NUMB: variants seen among roughly 807,000 people sequenced by gnomAD.
NUMB encodes protein numb homolog.
A neutral mutation model predicts 59.7 loss-of-function variants in NUMB; 29 were observed. The ratio of observed to expected loss-of-function variants is 0.49; its 90% CI spans 0.36 to 0.66. The LOEUF is 0.66. Ranked by LOEUF, NUMB falls within the 30% of genes least tolerant of loss-of-function variation. NUMB has a pLI of 0.00. For synonymous variants in NUMB, 288 were observed against 288.2 expected (o/e 1.00, Z 0.01); for missense variants, 723 against 822.0 (o/e 0.88, Z 1.47).
chr14:73,435,919 T>C (rs562663046), intron 1 of NUMB, among the ~76,000 whole-genome samples: 40 of 151,870 alleles, frequency 2.6e-4, no homozygotes, highest in African/African-American at 7.2e-4. Flanking sequence ...TGTGAGAGAA[T>C]TGCTTGAATT....
At chr14:73,308,805 A>G (rs942887760) in intron 6 of NUMB, among the ~76,000 whole-genome samples, 2 of 152,166 alleles carry the variant, frequency 1.3e-5, no homozygotes, top group East Asian at 1.9e-4. Context: ...CTCCAAATGA[A>G]TAGTGTTTCA....
intron 4 of NUMB, among the ~76,000 whole-genome samples, chr14:73,331,282 A>G (rs983574688): frequency 1.3e-5 from 2 of 152,222 alleles, no homozygotes; most frequent in Non-Finnish European, 2.9e-5. Context: ...GCCATGGCTC[A>G]GGCCTGTAGT....
chr14:73,350,667 G>T (rs929948868), intron 4 of NUMB, among the ~76,000 whole-genome samples: 8 of 144,536 alleles, frequency 5.5e-5, no homozygotes, highest in African/African-American at 2.0e-4. Flanking sequence ...GTGTAGCTCA[G>T]ATGACAGGTG....
chr14:73,275,971 A>C lies in NUMB; in HGVS notation c.*607T>G, dbSNP rs1888126084. ...TCTGAGAACTATTTAAAATATTCTA[A>C]ATGCATAAAAATAAAGATTTTGGCT... On this transcript the variant is annotated 3_prime_UTR_variant, in exon 13 of 13. Transcript: ENST00000555238. 6.5e-6 allele frequency: 1 copy of C among 152,720 alleles called. No homozygotes were observed. Among genetic ancestry groups the C allele is most frequent in the South Asian group, 2.1e-4 (1 of 4,830 alleles). 9.5% of individuals were successfully genotyped at this position (152,720 alleles called of 1,614,324 possible).
At chr14:73,302,458 G>A (rs1385807382) in intron 6 of NUMB, among the ~76,000 whole-genome samples, 1 of 148,612 alleles carries the variant, frequency 6.7e-6, no homozygotes, top group Non-Finnish European at 1.5e-5. Context: ...CCAGGCTGGA[G>A]TGCAGTGGAG....
chr14:73,422,076 G>A (rs144372076), intron 1 of NUMB, among the ~76,000 whole-genome samples: 9 of 152,090 alleles, frequency 5.9e-5, no homozygotes, highest in Non-Finnish European at 1.2e-4. Flanking sequence ...TCTGGGAGGT[G>A]GAGGTTGCAG....
intron 4 of NUMB, among the ~76,000 whole-genome samples, chr14:73,347,333 C>T (rs2139993416): frequency 6.6e-6 from 1 of 152,240 alleles, no homozygotes; most frequent in Admixed American, 6.5e-5. Context: ...CATATTTAAA[C>T]TCTACAGTTT....
At chr14:73,401,857 C>T (rs1896433861) in intron 2 of NUMB, among the ~76,000 whole-genome samples, 2 of 151,336 alleles carry the variant, frequency 1.3e-5, no homozygotes, top group Admixed American at 6.6e-5. Flanking sequence ...GCGTGAGCCA[C>T]CACATCCGGC....
intron 2 of NUMB, among the ~76,000 whole-genome samples, chr14:73,392,392 G>C (rs1039536930): frequency 2.6e-5 from 4 of 152,292 alleles, no homozygotes; most frequent in African/African-American, 9.6e-5. Flanking sequence ...GAATGCAAAG[G>C]CTCTAATAAC....
At chr14:73,281,454 G>T (rs1409093823) in intron 11 of NUMB, 1 of 152,142 alleles carries the variant, frequency 6.6e-6, no homozygotes, top group Non-Finnish European at 1.5e-5. Flanking sequence ...AAAAGAAAAA[G>T]AAAAAGACCC....
chr14:73,358,610 T>TC (rs1328692042), intron 3 of NUMB, among the ~76,000 whole-genome samples: 14 of 80,074 alleles, frequency 1.7e-4, no homozygotes, highest in Admixed American at 5.1e-4. Context: ...GACTTTTTTT[T>TC]TTTTTTTTTT....
Position 73,439,058 on chromosome 14 carries a change from A to G in NUMB, c.-233+19435T>C, listed in dbSNP as rs374835136. ...AGAAAAAGTTACAGAACTCAGTTCA[A>G]TGCAAATATATACCAACCATGTTTA... On this transcript the variant is annotated intron_variant, in intron 1 of 12. Transcript: ENST00000555238. Among the ~76,000 whole-genome samples the G allele has an allele frequency of 6.2e-4, 95 of 152,356 alleles. 1 individual carries two copies. Among genetic ancestry groups the G allele is most frequent in the African/African-American group, 9.1e-4 (38 of 41,586 alleles).
At chr14:73,388,330 C>T (rs1204275524) in intron 2 of NUMB, among the ~76,000 whole-genome samples, 1 of 152,052 alleles carries the variant, frequency 6.6e-6, no homozygotes, top group African/African-American at 2.4e-5. Context: ...TAGAAGAAAC[C>T]TTATCACTAA....
chr14:73,307,296 G>A (rs112870810), intron 6 of NUMB, among the ~76,000 whole-genome samples: 11,302 of 140,192 alleles, frequency 0.081, 1,020 homozygotes, highest in African/African-American at 0.23. Flanking sequence ...GCAACAGAGT[G>A]AGACTCTGTC....
At chr14:73,414,147 G>T (rs1319256041) in intron 1 of NUMB, among the ~76,000 whole-genome samples, 2 of 151,824 alleles carry the variant, frequency 1.3e-5, no homozygotes, top group Non-Finnish European at 2.9e-5. Flanking sequence ...AGTAGAGACG[G>T]GGTTTCACCA....
chr14:73,316,535 G>A lies in NUMB; in HGVS notation c.202-113C>T. 8 of 949,456 alleles carry A rather than the reference G, an allele frequency of 8.4e-6. No homozygotes were observed. In the South Asian group the frequency reaches 1.0e-4, roughly 12 times the overall value. The allele number at this position is 949,456 out of a possible 1,614,324, so 58.8% of individuals were successfully genotyped here. Reference sequence around the variant, plus strand: ...GGGGAAAGGAAAAAGTGGGAGAAGGGGTGGGAGTGAGTTTCAAAGAGTTAT... The same window carrying A: ...GGGGAAAGGAAAAAGTGGGAGAAGGAGTGGGAGTGAGTTTCAAAGAGTTAT... On this transcript the variant is annotated intron_variant, in intron 5 of 12. Coordinates refer to ENST00000555238, the MANE Select transcript of NUMB (RefSeq NM_001005743.2).
chr14:73,405,787 G>GT lies in NUMB; in HGVS notation c.-101+4149_-101+4150insA, dbSNP rs1217227288. Among the ~76,000 whole-genome samples the GT allele has an allele frequency of 2.1e-4, 29 of 140,568 alleles. No homozygotes were observed. The East Asian group carries it at 4.0e-3, about 20-fold the overall frequency. 92.2% of individuals were successfully genotyped at this position (140,568 alleles called of 152,430 possible). ...GGGCAGGACAAACTCTGTTGTTTTG[G>GT]GTTTTTTTTCTTCTCTCTCTGTCCA... On this transcript the variant is annotated intron_variant, in intron 2 of 12. Coordinates refer to ENST00000555238, the MANE Select transcript of NUMB (RefSeq NM_001005743.2).
chr14:73,395,037 TTGTGTGTGTGTGTGTGTG>T (rs3028731), intron 2 of NUMB, among the ~76,000 whole-genome samples: 215 of 119,994 alleles, frequency 1.8e-3, no homozygotes, highest in South Asian at 9.3e-3. Context: ...ATTCGTGTGT[TTGTGTGTGTGTGTGTGTG>T]TGTGTGTGTG....
intron 11 of NUMB, among the ~76,000 whole-genome samples, chr14:73,280,330 G>C (rs566568404): frequency 8.2e-4 from 125 of 151,772 alleles, no homozygotes; most frequent in Non-Finnish European, 1.6e-3. Context: ...ATCGAAGTTG[G>C]TATGTTTTCA....
Sources: allele counts gnomAD v4.1 joint callset (sites outside exome capture counted in the v4.1 genomes callset), GRCh38; gene constraint gnomAD v4.1.1; transcripts MANE v1.5; gene names NCBI Gene and HGNC (gene_info 2026-07-23, HGNC 2026-07-21).